Variants in SGTA observed in about 807,000 individuals in gnomAD.
SGTA encodes the protein small glutamine rich tetratricopeptide repeat co-chaperone alpha, also known as small glutamine-rich tetratricopeptide repeat-containing protein alpha.
Under a neutral mutation model 44.3 loss-of-function variants are expected in SGTA, and 22 were observed. The ratio of observed to expected loss-of-function variants is 0.50; its 90% CI spans 0.36 to 0.71. SGTA has a LOEUF of 0.71. Among genes scored for constraint, SGTA ranks in the 30% least tolerant of loss-of-function variants. SGTA has a pLI of 0.00. For missense variants in SGTA, 341 were observed against 435.9 expected (o/e 0.78, Z 1.94); for synonymous variants, 174 against 177.6 (o/e 0.98, Z 0.16).
intron 1 of SGTA, among the ~76,000 whole-genome samples, chr19:2,782,920 G>A (rs868455229): frequency 1.3e-5 from 2 of 152,198 alleles, no homozygotes; most frequent in Admixed American, 6.5e-5. Context: ...CGGTTAATAA[G>A]AGCGGAACGG....
rs187809481 is a variant in SGTA at position 2,766,445 on chromosome 19, T to C, written c.292+691A>G. The stretch of plus-strand genomic sequence containing the variant: ...TGTTTTATTTTTTATTTTTTATTTT[T>C]TTTTGAGACGGAGTTTCACTCTTAT... On this transcript the variant is annotated intron_variant, in intron 4 of 11. Coordinates refer to ENST00000221566, the MANE Select transcript of SGTA (RefSeq NM_003021.4). Among the ~76,000 whole-genome samples the C allele has an allele frequency of 5.3e-3, 802 of 152,116 alleles. 7 individuals carry two copies. Among genetic ancestry groups the C allele is most frequent in the Non-Finnish European group, 8.5e-3 (576 of 68,006 alleles).
chr19:2,781,408 C>T (rs1218456418), intron 1 of SGTA, among the ~76,000 whole-genome samples: 1 of 152,164 alleles, frequency 6.6e-6, no homozygotes, highest in Non-Finnish European at 1.5e-5. Flanking sequence ...CGTTAAGTTC[C>T]CTATGGCAAC....
chr19:2,776,709 C>G lies in SGTA; in HGVS notation c.-24+6524G>C, dbSNP rs552264076. Among the ~76,000 whole-genome samples the G allele has an allele frequency of 4.6e-5, 7 of 152,346 alleles. No individual in the cohort carries two copies. In the South Asian group the frequency reaches 1.5e-3, roughly 32 times the overall value. ...TTTGGCCTGGCATGGTGGCTCACGC[C>G]TGTAATCCCAGAACTTTTGGAGGCA... On this transcript the variant is annotated intron_variant, in intron 1 of 11. Coordinates refer to ENST00000221566, the MANE Select transcript of SGTA (RefSeq NM_003021.4).
intron 1 of SGTA, among the ~76,000 whole-genome samples, chr19:2,771,800 G>T (rs1032648662): frequency 3.3e-5 from 5 of 152,258 alleles, no homozygotes; most frequent in Non-Finnish European, 1.5e-5. Context: ...TGGTGCTGGC[G>T]CATGGAGGGG....
chr19:2,781,389 C>T (rs1462272655), intron 1 of SGTA, among the ~76,000 whole-genome samples: 4 of 152,196 alleles, frequency 2.6e-5, no homozygotes, highest in Non-Finnish European at 2.9e-5. Flanking sequence ...TTGTCTTCAG[C>T]TCTGCAGGCG....
intron 1 of SGTA, among the ~76,000 whole-genome samples, chr19:2,779,633 G>A (rs1242405608): frequency 6.6e-6 from 1 of 152,266 alleles, no homozygotes. Context: ...CAAGGCAGAG[G>A]CCGCAGAAGT....
intron 9 of SGTA, among the ~76,000 whole-genome samples, chr19:2,758,889 C>A (rs1000218494): frequency 2.0e-4 from 31 of 152,176 alleles, no homozygotes; most frequent in Admixed American, 6.5e-5. Flanking sequence ...CACCAAAGTT[C>A]ACGCAGTGTG....
Position 2,755,995 on chromosome 19 carries a change from A to G in SGTA, c.*7-62T>C. On this transcript the variant is annotated intron_variant, in intron 11 of 11. Coordinates refer to ENST00000221566, the MANE Select transcript of SGTA (RefSeq NM_003021.4). The surrounding 1 kb of genome is among the most constrained non-coding windows in gnomAD (Gnocchi z 5.2). ...GGTGGGGACCAAGGCTGCACCACAC[A>G]CTCCAGGCAGCAGGAGAGGCCCAGA... 4 of 929,010 alleles carry G rather than the reference A, an allele frequency of 4.3e-6. No individual in the cohort carries two copies. The highest frequency in any genetic ancestry group is 5.1e-6 in the Non-Finnish European group (4 of 779,004). The allele number at this position is 929,010 out of a possible 1,614,324, so 57.5% of individuals were successfully genotyped here. A position where few individuals can be genotyped will look rare whatever the true frequency, so the allele number is the denominator to read the frequency against.
chr19:2,763,591 C>G lies in SGTA; in HGVS notation c.497+62G>C. Reference sequence around the variant, plus strand: ...GAAAAAAGCCACACAAGAGAGGAAGCAGGAGCAGGAGAGGAGGGGTCCCGA... The same window carrying G: ...GAAAAAAGCCACACAAGAGAGGAAGGAGGAGCAGGAGAGGAGGGGTCCCGA... On this transcript the variant is annotated intron_variant, in intron 6 of 11. Coordinates refer to ENST00000221566, the MANE Select transcript of SGTA (RefSeq NM_003021.4). The surrounding 1 kb of genome is among the most constrained non-coding windows in gnomAD (Gnocchi z 5.8). The G allele has an allele frequency of 8.9e-7, 1 of 1,125,798 alleles. No homozygotes were observed. The highest frequency in any genetic ancestry group is 1.3e-6 in the Non-Finnish European group (1 of 772,138). 69.7% of individuals were successfully genotyped at this position (1,125,798 alleles called of 1,614,324 possible).
rs983148913 is a variant in SGTA, at chr19:2,763,247, C to T, written c.497+406G>A. On this transcript the variant is annotated intron_variant, in intron 6 of 11. Transcript: ENST00000221566. This position sits in a 1 kb window ranked among gnomAD's most constrained non-coding sequence, Gnocchi z 5.8. The stretch of plus-strand genomic sequence containing the variant: ...CACGCTTATGCTGGGAGGGCGGCAC[C>T]GGCTGCACGGGGCGCAGGCTCCTGC... 2.6e-5 allele frequency among the ~76,000 whole-genome samples: 4 copies of T among 152,192 alleles called. No homozygotes were observed. The highest frequency in any genetic ancestry group is 1.9e-4 in the East Asian group (1 of 5,186).
chr19:2,762,922 A>T (rs1362904671), intron 6 of SGTA, among the ~76,000 whole-genome samples: 1 of 152,134 alleles, frequency 6.6e-6, no homozygotes, highest in Non-Finnish European at 1.5e-5. Context: ...GAGAGGAGGG[A>T]GCGGGCCAGC....
rs535770149 is a variant in SGTA, at chr19:2,765,131, G to T, written c.392+55C>A. 1.6e-6 allele frequency: 2 copies of T among 1,271,104 alleles called. No homozygotes were observed. Among genetic ancestry groups the T allele is most frequent in the Middle Eastern group, 3.7e-4 (2 of 5,420 alleles). The allele number at this position is 1,271,104 out of a possible 1,614,324, so 78.7% of individuals were successfully genotyped here. ...ATCTCAGGTCCCTGCTAAGCATCCC[G>T]GAGGACGCCCCCGCACCCGGCCGCC... On this transcript the variant is annotated intron_variant, in intron 5 of 11. Coordinates refer to ENST00000221566, the MANE Select transcript of SGTA (RefSeq NM_003021.4). The surrounding 1 kb of genome is among the most constrained non-coding windows in gnomAD (Gnocchi z 5.5).
At position 2,763,211 on chromosome 19, in the gene SGTA, G is replaced by A. The variant is rs1034547252; in HGVS notation, c.497+442C>T. Among the ~76,000 whole-genome samples, 12 of 152,214 alleles carry A rather than the reference G, an allele frequency of 7.9e-5. No homozygotes were observed. Among genetic ancestry groups the A allele is most frequent in the Admixed American group, 7.2e-4 (11 of 15,284 alleles). On this transcript the variant is annotated intron_variant, in intron 6 of 11. Coordinates refer to ENST00000221566, the MANE Select transcript of SGTA (RefSeq NM_003021.4). The surrounding 1 kb of genome is among the most constrained non-coding windows in gnomAD (Gnocchi z 5.8). ...ACTCTGAGCAAGGGCATTCAGAGAA[G>A]CAGGCGAATGCACGCTTATGCTGGG... is the stretch of plus-strand genomic sequence containing the variant.
Position 2,763,793 on chromosome 19 carries a change from C to A in SGTA, c.393-36G>T, listed in dbSNP as rs376631698. ...AAAGGCAGGGCAGGTCCCTCACTGG[C>A]GGCTCTGAGCCCAGCGGGCAGCCCT... On this transcript the variant is annotated intron_variant, in intron 5 of 11. Coordinates refer to ENST00000221566, the MANE Select transcript of SGTA (RefSeq NM_003021.4). The surrounding 1 kb of genome is among the most constrained non-coding windows in gnomAD (Gnocchi z 5.8). 6.4e-7 allele frequency: 1 copy of A among 1,571,290 alleles called. No homozygotes were observed. The highest frequency in any genetic ancestry group is 8.7e-7 in the Non-Finnish European group (1 of 1,147,364).
intron 2 of SGTA, among the ~76,000 whole-genome samples, chr19:2,768,298 G>T (rs1469609473): frequency 1.3e-5 from 2 of 152,118 alleles, no homozygotes; most frequent in African/African-American, 4.8e-5. Flanking sequence ...TCAGAAGTGG[G>T]GGTCAGCCAC....
In SGTA at chr19:2,767,538, T is replaced by C. The variant is rs1202860793; in HGVS notation, c.207+42A>G. The C allele has an allele frequency of 6.6e-7, 1 of 1,526,394 alleles. No individual in the cohort carries two copies. Among genetic ancestry groups the C allele is most frequent in the African/African-American group, 1.4e-5 (1 of 73,264 alleles). The allele number at this position is 1,526,394 out of a possible 1,614,324, so 94.6% of individuals were successfully genotyped here. A position where few individuals can be genotyped will look rare whatever the true frequency, so the allele number is the denominator to read the frequency against. On this transcript the variant is annotated intron_variant, in intron 3 of 11. Coordinates refer to ENST00000221566, the MANE Select transcript of SGTA (RefSeq NM_003021.4). The surrounding 1 kb of genome is among the most constrained non-coding windows in gnomAD (Gnocchi z 7.3). Reference sequence around the variant, plus strand: ...CCCCAGGGCTGCCTGCTGTTGCTGTTCTTATTTTGGGGGCAGTGGCTGGGG... The same window carrying C: ...CCCCAGGGCTGCCTGCTGTTGCTGTCCTTATTTTGGGGGCAGTGGCTGGGG...
intron 6 of SGTA, 71 bp from the exon 7 acceptor site, chr19:2,762,715 C>A (rs1915033618): frequency 6.3e-7 from 1 of 1,579,304 alleles, no homozygotes; most frequent in Non-Finnish European, 8.6e-7. Flanking sequence ...AAGCCCTCGT[C>A]CCCGGCGGTC....
chr19:2,780,389 A>C (rs1355483192), intron 1 of SGTA, among the ~76,000 whole-genome samples: 1 of 152,118 alleles, frequency 6.6e-6, no homozygotes, highest in African/African-American at 2.4e-5. Flanking sequence ...ATCGAAGCCT[A>C]CTTCCTTCTA....
At chr19:2,776,008 C>T (rs1003997444) in intron 1 of SGTA, among the ~76,000 whole-genome samples, 1 of 152,324 alleles carries the variant, frequency 6.6e-6, no homozygotes, top group African/African-American at 2.4e-5. Context: ...GGGATCAGGA[C>T]TGCCTAGAGC....
Sources: gnomAD v4.1 joint callset for allele counts (sites outside exome capture counted in the v4.1 genomes callset) on GRCh38, gnomAD v4.1.1 for gene constraint, Gnocchi (gnomAD v3.1) non-coding constraint, MANE v1.5 for transcripts, NCBI Gene and HGNC (gene_info 2026-07-23, HGNC 2026-07-21) for gene names.